PPRC1: variants seen among roughly 807,000 people sequenced by gnomAD.
PPRC1 encodes peroxisome proliferator-activated receptor gamma coactivator-related protein 1.
In PPRC1, 23 loss-of-function variants were observed where a neutral mutation model predicts 132.5. The observed-to-expected ratio is 0.17, with a 90% confidence interval of 0.12 to 0.25. PPRC1 has a LOEUF of 0.25. PPRC1 is among the 10% of genes least tolerant of loss of function. The probability of loss-of-function intolerance (pLI) is 1.00; values close to 1 mark genes in which losing one functional copy is unlikely to be tolerated. For synonymous variants in PPRC1, 872 were observed against 833.5 expected (o/e 1.05, Z -0.80); for missense variants, 2,006 against 2,089.1 (o/e 0.96, Z 0.78).
chr10:102,148,632 A>G lies in PPRC1; in HGVS notation c.4555A>G (p.Ser1519Gly). Residue 1519 changes from serine to glycine, a missense_variant, in exon 11 of 14, where the codon AGC becomes GGC. Around this residue, in one of 2 missense-constraint regions of PPRC1, gnomAD observed 1,914 missense variants for 1,917.2 expected, o/e 1.00. Transcript: ENST00000278070. The surrounding 1 kb of genome is among the most constrained non-coding windows in gnomAD (Gnocchi z 4.2). Reference protein sequence around the residue: ...RRRSDRRRRYSSYRSHDHYQR... With the variant: ...RRRSDRRRRYGSYRSHDHYQR... ...GATGACACCCTCTTTTGTCAGGTAC[A>G]GCTCTTATCGTTCACATGACCATTA... The G allele has an allele frequency of 6.2e-7, 1 of 1,614,182 alleles. No homozygotes were observed. The highest frequency in any genetic ancestry group is 8.5e-7 in the Non-Finnish European group (1 of 1,180,036).
At chr10:102,143,327 G>A (rs1383014958) in intron 6 of PPRC1, among the ~76,000 whole-genome samples, 4 of 152,282 alleles carry the variant, frequency 2.6e-5, no homozygotes, top group African/African-American at 4.8e-5. Flanking sequence ...CAGGCCAGGC[G>A]TGGTGGCTCA....
intron 5 of PPRC1, among the ~76,000 whole-genome samples, chr10:102,142,318 G>GT (rs2069021737): frequency 1.3e-5 from 2 of 148,656 alleles, no homozygotes; most frequent in African/African-American, 5.0e-5. Flanking sequence ...GGCCAGGTTG[G>GT]TCTCAATCTC....
At chr10:102,135,923 G>A (rs186856343) in intron 1 of PPRC1, among the ~76,000 whole-genome samples, 20 of 152,312 alleles carry the variant, frequency 1.3e-4, no homozygotes, top group African/African-American at 4.8e-4. Flanking sequence ...TACTCTGGGA[G>A]CTGTGCTGTT....
At chr10:102,124,804 A>G in the PPRC1 span, among the ~76,000 whole-genome samples, 42 of 151,880 alleles carry the variant, frequency 2.8e-4, no homozygotes, top group Admixed American at 1.3e-3. Flanking sequence ...CACTGTGTCC[A>G]ACTAACTTTT....
rs576838606 is a variant in PPRC1 at position 102,141,433 on chromosome 10, C to T, written c.2925C>T (p.Ser975=). 53 of 1,613,988 alleles carry T rather than the reference C, an allele frequency of 3.3e-5. No homozygotes were observed. In the Middle Eastern group the frequency reaches 4.9e-4, roughly 15 times the overall value. ...PPPAPVSPYS[S]TCTYGPLGWG... is the part of the protein sequence containing the mutation. ...CTGCCCCAGTCTCACCTTACAGTTC[C>T]ACATGTACCTATGGGCCCTTGGGAT... The change falls in exon 5 of 14, where the codon TCC becomes TCT. Residue 975 remains serine (S), a synonymous_variant. Coordinates refer to ENST00000278070, the MANE Select transcript of PPRC1 (RefSeq NM_015062.5).
rs573946755 is a variant in PPRC1, at chr10:102,134,785, A to AG, written c.153+1566dup. The stretch of plus-strand genomic sequence containing the variant: ...TGAACCATTCATCTTCACCTCCATC[A>AG]GGTGTCCAGTCAGAGACACACCCTC... On this transcript the variant is annotated intron_variant, in intron 1 of 13. Transcript: ENST00000278070. Among the ~76,000 whole-genome samples the AG allele has an allele frequency of 2.7e-3, 407 of 152,296 alleles. 1 individual carries two copies. The highest frequency in any genetic ancestry group is 6.8e-3 in the Middle Eastern group (2 of 294).
chr10:102,149,999 G>A lies in PPRC1; in HGVS notation c.4965G>A (p.Leu1655=). ...KFDSLDFDTL[L]KQAQKNLRR is the part of the protein sequence containing the mutation. Reference sequence around the variant, plus strand: ...ATTCTCTTGACTTTGACACATTGTTGAAACAGGCCCAGAAGAACCTCAGGA... The same window carrying A: ...ATTCTCTTGACTTTGACACATTGTTAAAACAGGCCCAGAAGAACCTCAGGA... Residue 1655 remains leucine (L), a synonymous_variant, in exon 14 of 14, where the codon TTG becomes TTA. Transcript: ENST00000278070. 1 of 1,613,510 alleles carries A rather than the reference G, an allele frequency of 6.2e-7. No homozygotes were observed. The highest frequency in any genetic ancestry group is 1.1e-5 in the South Asian group (1 of 91,064).
At chr10:102,120,955 C>T in the PPRC1 span, among the ~76,000 whole-genome samples, 1 of 152,196 alleles carries the variant, frequency 6.6e-6, no homozygotes, top group Non-Finnish European at 1.5e-5. Flanking sequence ...GTTTCGCGTC[C>T]CTACCCTAGG....
rs756745257 is a variant in PPRC1 at position 102,141,809 on chromosome 10, A to C, written c.3301A>C (p.Lys1101Gln). 1 of 1,613,970 alleles carries C rather than the reference A, an allele frequency of 6.2e-7. No individual in the cohort carries two copies. The highest frequency in any genetic ancestry group is 2.2e-5 in the East Asian group (1 of 44,852). ...TGAGGAGCCTGCATCAGAGAGGCTA[A>C]AGCCTGAGACCCAAGAGACCAGGCC... ...TVEEPASERL[K>Q]PETQETRPRE... The change falls in exon 5 of 14, where the codon AAG becomes CAG. Residue 1101 changes from lysine (K) to glutamine (Q), a missense_variant. Physicochemically the swap from Lys to Gln is moderately conservative, Grantham distance 53 (BLOSUM62 1). This residue lies in a region of PPRC1 where 1,914 missense variants were observed against 1,917.2 expected (regional missense o/e 1.00). Transcript: ENST00000278070.
chr10:102,133,080 C>G lies in PPRC1; in HGVS notation c.12C>G (p.Arg4=). MAA[R]RGRRDGVAPP... is the part of the protein sequence containing the mutation. ...GTTCAGGGGCCAAGATGGCGGCGCGCCGGGGACGGAGAGACGGAGTCGCGC... is the reference window on the plus strand; with the variant it reads ...GTTCAGGGGCCAAGATGGCGGCGCGGCGGGGACGGAGAGACGGAGTCGCGC... The change falls in exon 1 of 14, where the codon CGC becomes CGG. Residue 4 remains arginine (R), a synonymous_variant. Transcript: ENST00000278070. 1.4e-5 allele frequency: 17 copies of G among 1,242,500 alleles called. No homozygotes were observed. Among genetic ancestry groups the G allele is most frequent in the Non-Finnish European group, 1.6e-5 (16 of 987,978 alleles). The allele number at this position is 1,242,500 out of a possible 1,614,324, so 77.0% of individuals were successfully genotyped here.
At chr10:102,120,480 G>T in the PPRC1 span, 4 of 776,466 alleles carry the variant, frequency 5.2e-6, no homozygotes, top group South Asian at 5.8e-5. Context: ...CGCCGGCGCC[G>T]GCTCCCCAGC....
At chr10:102,122,622 T>TA in the PPRC1 span, among the ~76,000 whole-genome samples, 4 of 152,114 alleles carry the variant, frequency 2.6e-5, no homozygotes, top group Non-Finnish European at 4.4e-5. Context: ...TGTGACCACT[T>TA]ACGCCTAAGG....
In PPRC1 at chr10:102,140,964, T is replaced by A; in HGVS notation, c.2456T>A (p.Leu819His). The A allele has an allele frequency of 6.2e-7, 1 of 1,614,042 alleles. No individual in the cohort carries two copies. Residue 819 changes from leucine (L) to histidine (H), a missense_variant, in exon 5 of 14, where the codon CTT (leucine) becomes CAT (histidine). This residue lies in a region of PPRC1 where 1,914 missense variants were observed against 1,917.2 expected (regional missense o/e 1.00). Coordinates refer to ENST00000278070, the MANE Select transcript of PPRC1 (RefSeq NM_015062.5). Reference protein sequence around the residue: ...RSPETPLEICLVPVGPSPASP... With the variant: ...RSPETPLEICHVPVGPSPASP... Reference sequence around the variant, plus strand: ...CCTGAAACACCCCTTGAGATTTGCCTTGTGCCTGTAGGTCCCAGCCCTGCT... The same window carrying A: ...CCTGAAACACCCCTTGAGATTTGCCATGTGCCTGTAGGTCCCAGCCCTGCT...
intron 6 of PPRC1, among the ~76,000 whole-genome samples, chr10:102,143,637 G>T (rs373731070): frequency 3.3e-5 from 5 of 151,984 alleles, no homozygotes; most frequent in African/African-American, 1.2e-4. Context: ...AAGCAGGTTG[G>T]GGTTGTTTAG....
chr10:102,147,123 C>T lies in PPRC1; in HGVS notation c.4131C>T (p.Ser1377=), dbSNP rs774349155. 1 of 1,614,164 alleles carries T rather than the reference C, an allele frequency of 6.2e-7. No individual in the cohort carries two copies. Among genetic ancestry groups the T allele is most frequent in the Admixed American group, 1.7e-5 (1 of 60,012 alleles). The change falls in exon 9 of 14, where the codon TCC becomes TCT. Residue 1377 remains serine, a synonymous_variant. Coordinates refer to ENST00000278070, the MANE Select transcript of PPRC1 (RefSeq NM_015062.5). ...GCCTTGCCCCATCCAGCTTGCTGTC[C>T]CCTGAGGCCTCACCCTGCCGGAATG... ...APCLAPSSLL[S]PEASPCRNDM...
upstream of PPRC1, among the ~76,000 whole-genome samples, chr10:102,132,738 G>A (rs1336915811): frequency 6.6e-6 from 1 of 152,196 alleles, no homozygotes; most frequent in Non-Finnish European, 1.5e-5. Flanking sequence ...TCCAACAGTT[G>A]GACAAGTTAA....
rs200227304 is a variant in PPRC1, at chr10:102,133,145, G to C, written c.77G>C (p.Gly26Ala). 2.4e-4 allele frequency: 305 copies of C among 1,256,814 alleles called. No homozygotes were observed. The highest frequency in any genetic ancestry group is 2.8e-4 in the Non-Finnish European group (282 of 994,082). 77.9% of individuals were successfully genotyped at this position (1,256,814 alleles called of 1,614,324 possible). ...GGCCCCGGTCCGGACCCTGGCGGGG[G>C]AGCCCGCGGCAGTGGTTGGGGAAGT... ...SGGPGPDPGGGARGSGWGSRS... is the reference protein window; with the variant it reads ...SGGPGPDPGGAARGSGWGSRS... The change falls in exon 1 of 14, where the codon GGA becomes GCA. Residue 26 changes from glycine (G) to alanine (A), a missense_variant. Physicochemically the swap from Gly to Ala is moderately conservative, Grantham distance 60. Coordinates refer to ENST00000278070, the MANE Select transcript of PPRC1 (RefSeq NM_015062.5).
chr10:102,140,268 T>G lies in PPRC1; in HGVS notation c.1760T>G (p.Val587Gly). 6.2e-7 allele frequency: 1 copy of G among 1,614,216 alleles called. No individual in the cohort carries two copies. ...VDSAQASPMP[V>G]DSVEADPTAV... ...TCTGCCCAAGCCAGCCCCATGCCAGTTGACTCTGTTGAAGCTGATCCCACT... is the reference window on the plus strand; with the variant it reads ...TCTGCCCAAGCCAGCCCCATGCCAGGTGACTCTGTTGAAGCTGATCCCACT... Residue 587 changes from valine to glycine, a missense_variant, in exon 5 of 14, where the codon GTT becomes GGT. Coordinates refer to ENST00000278070, the MANE Select transcript of PPRC1 (RefSeq NM_015062.5).
rs772864639 is a variant in PPRC1, at chr10:102,147,367, T to TC, written c.4382dup (p.His1462ThrfsTer10). On this transcript the variant is annotated frameshift_variant, in exon 9 of 14. Transcript: ENST00000278070. LOFTEE classifies it high-confidence loss of function. The stretch of plus-strand genomic sequence containing the variant: ...ATCCCGATCTCGGTCCAGGTCCCTC[T>TC]CCCCCCCACACAAGAGGTGGCGAAG... 3.7e-6 allele frequency: 6 copies of TC among 1,605,982 alleles called. No homozygotes were observed. Among genetic ancestry groups the TC allele is most frequent in the South Asian group, 1.1e-5 (1 of 91,032 alleles).
Sources: allele counts gnomAD v4.1 joint callset (sites outside exome capture counted in the v4.1 genomes callset), GRCh38; gene constraint gnomAD v4.1.1; regional missense constraint gnomAD v4.1.1; non-coding constraint Gnocchi (gnomAD v3.1); transcripts MANE v1.5; gene names NCBI Gene and HGNC (gene_info 2026-07-23, HGNC 2026-07-21).